The following BCAS3 variants were observed in gnomAD, a reference collection of about 807,000 sequenced individuals.
BCAS3 encodes the protein BCAS4/BCAS3 fusion.
A neutral mutation model predicts 116.1 loss-of-function variants in BCAS3; 53 were observed. That is an observed-to-expected ratio of 0.46 (90% CI 0.37 to 0.57). BCAS3 has a LOEUF of 0.57. BCAS3 is among the 20% of genes least tolerant of loss of function. The pLI, the probability that BCAS3 is intolerant of heterozygous loss-of-function variation, is 0.00. For missense variants in BCAS3, 917 were observed against 1,165.4 expected, an observed-to-expected ratio of 0.79 and a Z score of 3.10; for synonymous variants, 391 against 408.2, an observed-to-expected ratio of 0.96 and a Z score of 0.51.
chr17:60,889,921 T>A, intron 10 of BCAS3, 150 bp downstream of exon 10: 1 of 714,046 alleles, frequency 1.4e-6, no homozygotes, highest in Non-Finnish European at 2.3e-6. Context: ...ATTGTGCAAC[T>A]AATAATTGAA....
rs574582357 is a variant in BCAS3 at position 61,286,380 on chromosome 17, G to T, written c.2426-81947G>T. On this transcript the variant is annotated intron_variant, in intron 22 of 23. Transcript: ENST00000407086. The surrounding 1 kb of genome is among the most constrained non-coding windows in gnomAD (Gnocchi z 4.8). ...GATGTCTGCGCCCACTCCTGTGCTG[G>T]TGAAGTCTGGCGTGTGGAGAGGCCT... 6.6e-6 allele frequency among the ~76,000 whole-genome samples: 1 copy of T among 152,328 alleles called. No homozygotes were observed. The highest frequency in any genetic ancestry group is 1.5e-5 in the Non-Finnish European group (1 of 68,038).
rs946250952 is a variant in BCAS3 at position 61,068,263 on chromosome 17, G to A, written c.2030-6657G>A. On this transcript the variant is annotated intron_variant, in intron 19 of 23. Transcript: ENST00000407086. This position sits in a 1 kb window ranked among gnomAD's most constrained non-coding sequence, Gnocchi z 4.3. ...TAAGTTTTTTTTAGTACCTCCATTC[G>A]AAGAAAGGTGGAAAAATTAATCTCA... 7.2e-5 allele frequency among the ~76,000 whole-genome samples: 11 copies of A among 151,792 alleles called. No homozygotes were observed. The highest frequency in any genetic ancestry group is 2.0e-4 in the Admixed American group (3 of 15,256).
intron 22 of BCAS3, among the ~76,000 whole-genome samples, chr17:61,150,707 T>C (rs2077495604): frequency 6.6e-6 from 1 of 152,246 alleles, no homozygotes; most frequent in Non-Finnish European, 1.5e-5. Flanking sequence ...ATTTGGTTGC[T>C]GGTATGTTAG....
At chr17:60,921,311 A>G (rs897377859) in intron 12 of BCAS3, among the ~76,000 whole-genome samples, 1 of 152,174 alleles carries the variant, frequency 6.6e-6, no homozygotes, top group Non-Finnish European at 1.5e-5. Flanking sequence ...GGAGAAATGA[A>G]AAACCAAATA....
rs188638713 is a variant in BCAS3 at position 61,165,187 on chromosome 17, A to G, written c.2425+80623A>G. Among the ~76,000 whole-genome samples the G allele has an allele frequency of 5.7e-3, 873 of 152,338 alleles. 2 individuals are homozygous for G. Among genetic ancestry groups the G allele is most frequent in the Non-Finnish European group, 7.0e-3 (479 of 68,034 alleles). ...GGTATATTTCAAAGGAAGCTCTGTT[A>G]GGACCAACAGCATGTAAATTAGACA... On this transcript the variant is annotated intron_variant, in intron 22 of 23. Coordinates refer to ENST00000407086, the MANE Select transcript of BCAS3 (RefSeq NM_017679.5).
chr17:60,851,575 C>T (rs2053169853), intron 7 of BCAS3: 1 of 624,982 alleles, frequency 1.6e-6, no homozygotes, highest in Non-Finnish European at 3.0e-6. Context: ...CTACCCAAAA[C>T]TTGGGTTAAA....
chr17:61,194,244 C>A (rs950764981), intron 22 of BCAS3, among the ~76,000 whole-genome samples: 1 of 152,212 alleles, frequency 6.6e-6, no homozygotes, highest in Non-Finnish European at 1.5e-5. Flanking sequence ...CAAATGGCTT[C>A]ATTCTTTCCT....
intron 19 of BCAS3, chr17:61,070,107 T>G (rs760302880): frequency 1.9e-6 from 3 of 1,574,562 alleles, no homozygotes; most frequent in Non-Finnish European, 2.6e-6. Context: ...TCATCAAGTT[T>G]CCGCTGACCA....
At chr17:61,336,584 C>T (rs2056743217) in intron 22 of BCAS3, among the ~76,000 whole-genome samples, 1 of 152,236 alleles carries the variant, frequency 6.6e-6, no homozygotes, top group Non-Finnish European at 1.5e-5. Context: ...TTGGAAGGTG[C>T]ACTGTGTTCA....
intron 9 of BCAS3, among the ~76,000 whole-genome samples, chr17:60,877,803 G>A (rs77132711): frequency 6.6e-6 from 1 of 152,260 alleles, no homozygotes; most frequent in African/African-American, 2.4e-5. Flanking sequence ...TATTCTCTCA[G>A]AGTAATGTTT....
At chr17:61,288,611 C>G (rs891172658) in intron 22 of BCAS3, among the ~76,000 whole-genome samples, 2 of 152,210 alleles carry the variant, frequency 1.3e-5, no homozygotes, top group Non-Finnish European at 2.9e-5. Flanking sequence ...TCCCAGTGGG[C>G]TTAGGAGGAG....
intron 7 of BCAS3, among the ~76,000 whole-genome samples, chr17:60,809,366 A>G (rs1311002167): frequency 1.3e-5 from 2 of 152,166 alleles, no homozygotes; most frequent in African/African-American, 4.8e-5. Flanking sequence ...AAACTCAACC[A>G]AAAGCATATA....
chr17:60,818,441 T>C (rs2049632921), intron 7 of BCAS3, among the ~76,000 whole-genome samples: 2 of 152,178 alleles, frequency 1.3e-5, no homozygotes, highest in Admixed American at 1.3e-4. Flanking sequence ...ATAAGGGTTA[T>C]GTTATTAAAT....
At chr17:61,238,376 C>T (rs1235838127) in intron 22 of BCAS3, among the ~76,000 whole-genome samples, 1 of 152,134 alleles carries the variant, frequency 6.6e-6, no homozygotes, top group Non-Finnish European at 1.5e-5. Flanking sequence ...GCGCCTGCCA[C>T]CACACCTGGC....
chr17:60,715,472 T>G (rs1234800378), intron 5 of BCAS3, among the ~76,000 whole-genome samples: 1 of 152,130 alleles, frequency 6.6e-6, no homozygotes, highest in Non-Finnish European at 1.5e-5. Flanking sequence ...TTCAATTATT[T>G]CAAAATATCA....
chr17:60,755,394 T>C (rs542786296), intron 6 of BCAS3, among the ~76,000 whole-genome samples: 54 of 152,318 alleles, frequency 3.5e-4, no homozygotes, highest in African/African-American at 9.9e-4. Flanking sequence ...AATTCACAGG[T>C]GAGGAGACTT....
In BCAS3 at chr17:61,229,819, A is replaced by G. The variant is rs950625943; in HGVS notation, c.2426-138508A>G. The stretch of plus-strand genomic sequence containing the variant: ...AAAATTCTCCTGAAGCTAGGCTTTT[A>G]TCTTCGAATTATAAGATAGTGTTGG... On this transcript the variant is annotated intron_variant, in intron 22 of 23. Coordinates refer to ENST00000407086, the MANE Select transcript of BCAS3 (RefSeq NM_017679.5). This position sits in a 1 kb window ranked among gnomAD's most constrained non-coding sequence, Gnocchi z 4.4. 1.6e-4 allele frequency among the ~76,000 whole-genome samples: 25 copies of G among 152,282 alleles called. No homozygotes were observed. Among genetic ancestry groups the G allele is most frequent in the Non-Finnish European group, 8.8e-5 (6 of 68,014 alleles).
chr17:60,737,183 A>C (rs113813889), intron 5 of BCAS3, among the ~76,000 whole-genome samples: 4,822 of 151,908 alleles, frequency 0.032, 241 homozygotes, highest in African/African-American at 0.11. Flanking sequence ...CAGATGATTC[A>C]CCTGCCTCGG....
intron 22 of BCAS3, among the ~76,000 whole-genome samples, chr17:61,174,477 T>A (rs2079027070): frequency 6.6e-6 from 1 of 152,246 alleles, no homozygotes; most frequent in Admixed American, 6.5e-5. Flanking sequence ...ATCCATGTTG[T>A]CACAAATGAC....
Sources: allele counts gnomAD v4.1 joint callset (sites outside exome capture counted in the v4.1 genomes callset), GRCh38; gene constraint gnomAD v4.1.1; non-coding constraint Gnocchi (gnomAD v3.1); transcripts MANE v1.5; gene names NCBI Gene and HGNC (gene_info 2026-07-23, HGNC 2026-07-21).